C10orf90: variants seen among roughly 807,000 people sequenced by gnomAD.
C10orf90 encodes chromosome 10 open reading frame 90, also known as (E2-independent) E3 ubiquitin-conjugating enzyme FATS.
C10orf90 carries 56 observed loss-of-function variants against 62.5 expected under a neutral mutation model. That is an observed-to-expected ratio of 0.90 (90% confidence interval 0.72 to 1.12). C10orf90 has a LOEUF of 1.12. Among genes scored for constraint, C10orf90 ranks in the 50% most tolerant of loss-of-function variants. The pLI is 0.00. For missense variants in C10orf90, 970 were observed against 880.4 expected (o/e 1.10, Z -1.29); for synonymous variants, 386 against 340.4 (o/e 1.13, Z -1.47).
At chr10:126,554,492 A>G (rs1864714754) in intron 2 of C10orf90, among the ~76,000 whole-genome samples, 5 of 152,350 alleles carry the variant, frequency 3.3e-5, no homozygotes, top group African/African-American at 1.2e-4. Context: ...TGTAAAATGC[A>G]TCAAGCTATA....
At chr10:126,461,655 T>G in intron 5 of C10orf90, 70 bp from the exon 6 acceptor site, 1 of 1,447,296 alleles carries the variant, frequency 6.9e-7, no homozygotes, top group Non-Finnish European at 9.4e-7. Context: ...TCAATACCAT[T>G]AGACACAGAA....
intron 4 of C10orf90, among the ~76,000 whole-genome samples, chr10:126,503,451 C>T (rs1197853888): frequency 6.6e-6 from 1 of 152,200 alleles, no homozygotes; most frequent in Non-Finnish European, 1.5e-5. Context: ...CACACGCACA[C>T]ATTCACATAC....
At chr10:126,610,963 T>G (rs2133801829) in intron 2 of C10orf90, among the ~76,000 whole-genome samples, 1 of 152,322 alleles carries the variant, frequency 6.6e-6, no homozygotes, top group Admixed American at 6.5e-5. Context: ...TATTTATGTT[T>G]TTTGACATAA....
chr10:126,564,997 TATATATAATATATATAATATATA>T (rs1844294924), intron 2 of C10orf90, among the ~76,000 whole-genome samples: 1 of 6,204 alleles, frequency 1.6e-4, no homozygotes, highest in Non-Finnish European at 3.9e-4. Context: ...AAATATATAT[TATATATAATATATATAATATATA>T]TTATATATTA....
intron 2 of C10orf90, among the ~76,000 whole-genome samples, chr10:126,545,978 T>C (rs967131294): frequency 5.3e-5 from 8 of 152,274 alleles, no homozygotes; most frequent in Middle Eastern, 6.8e-3. Context: ...GGAGAAAGAC[T>C]AGCTATGGAC....
intron 7 of C10orf90, among the ~76,000 whole-genome samples, chr10:126,458,052 C>T (rs540341729): frequency 1.3e-5 from 2 of 152,090 alleles, no homozygotes; most frequent in African/African-American, 4.8e-5. Context: ...CTTTAGACAG[C>T]TCCACCAGCA....
intron 2 of C10orf90, among the ~76,000 whole-genome samples, chr10:126,528,638 A>C (rs961116365): frequency 1.3e-5 from 2 of 152,240 alleles, no homozygotes; most frequent in African/African-American, 4.8e-5. Flanking sequence ...ACGGCCCAGC[A>C]CTGGGAGCCA....
intron 3 of C10orf90, among the ~76,000 whole-genome samples, chr10:126,508,161 G>GAA (rs1862874106): frequency 7.1e-6 from 1 of 140,228 alleles, no homozygotes; most frequent in African/African-American, 2.9e-5. Flanking sequence ...GAGTGAGTGA[G>GAA]AGAGAGAGAG....
At chr10:126,661,770 T>C (rs1033776662) in intron 1 of C10orf90, among the ~76,000 whole-genome samples, 1 of 152,120 alleles carries the variant, frequency 6.6e-6, no homozygotes, top group Non-Finnish European at 1.5e-5. Flanking sequence ...AAAATTTCCA[T>C]TTTAGATAGT....
intron 2 of C10orf90, among the ~76,000 whole-genome samples, chr10:126,617,957 C>T (rs1010164708): frequency 6.6e-6 from 1 of 152,196 alleles, no homozygotes; most frequent in Non-Finnish European, 1.5e-5. Flanking sequence ...TGGCTGTGGG[C>T]CATGGCTGAT....
chr10:126,536,545 A>G (rs1008410529), intron 2 of C10orf90, among the ~76,000 whole-genome samples: 20 of 152,336 alleles, frequency 1.3e-4, no homozygotes, highest in African/African-American at 4.8e-4. Flanking sequence ...GCTAAGAGAC[A>G]GGGAGTTCGA....
In C10orf90 at chr10:126,504,590, C is replaced by T. The variant is rs755154389; in HGVS notation, c.901G>A (p.Val301Met). Reference protein sequence around the residue: ...ACTEFSRNSSVVRLKVPEAHT... With the variant: ...ACTEFSRNSSMVRLKVPEAHT... ...GCCTCGGGAACCTTCAGCCGCACCA[C>T]GGAGCTGTTTCTGGAGAACTCTGTG... Residue 301 changes from valine to methionine, a missense_variant, in exon 4 of 10, where the codon GTG becomes ATG. By Grantham distance (21) the Val-to-Met change is conservative. Transcript: ENST00000488181. The surrounding 1 kb of genome is among the most constrained non-coding windows in gnomAD (Gnocchi z 4.1). 6.8e-6 allele frequency: 11 copies of T among 1,614,194 alleles called. No individual in the cohort carries two copies. Among genetic ancestry groups the T allele is most frequent in the South Asian group, 3.3e-5 (3 of 91,082 alleles).
chr10:126,508,696 A>T (rs1425101235), intron 3 of C10orf90, among the ~76,000 whole-genome samples: 1 of 152,298 alleles, frequency 6.6e-6, no homozygotes, highest in East Asian at 1.9e-4. Context: ...CGGGACTCCC[A>T]TACTGGCTAC....
chr10:126,536,153 G>T (rs1019446460), intron 2 of C10orf90, among the ~76,000 whole-genome samples: 1 of 152,206 alleles, frequency 6.6e-6, no homozygotes, highest in African/African-American at 2.4e-5. Flanking sequence ...GGGACAATCA[G>T]CTCTGCCATT....
Position 126,429,793 on chromosome 10 carries a change from G to T in C10orf90, c.2246C>A (p.Ser749Tyr). The change falls in exon 8 of 10, where the codon TCT becomes TAT. Residue 749 changes from serine (S) to tyrosine (Y), a missense_variant. Ser to Tyr is a moderately radical substitution (Grantham distance 144, BLOSUM62 -2). Coordinates refer to ENST00000488181, the MANE Select transcript of C10orf90 (RefSeq NM_001350921.2). ...CCATACAATAACCAAGTACCTCTTA[G>T]ATCGCATATGCATCTCCTTCTCTGA... is the stretch of plus-strand genomic sequence containing the variant. ...CISEKEMHMR[S>Y]KRIYDNLPEV... 1 of 1,613,978 alleles carries T rather than the reference G, an allele frequency of 6.2e-7. No homozygotes were observed. The highest frequency in any genetic ancestry group is 8.5e-7 in the Non-Finnish European group (1 of 1,179,876).
intron 1 of C10orf90, among the ~76,000 whole-genome samples, chr10:126,647,038 G>A (rs1846186006): frequency 6.6e-6 from 1 of 152,164 alleles, no homozygotes; most frequent in Non-Finnish European, 1.5e-5. Context: ...TTAGCTATGA[G>A]CCATTCAATT....
chr10:126,628,012 T>C (rs1304626391), intron 2 of C10orf90, among the ~76,000 whole-genome samples: 1 of 152,178 alleles, frequency 6.6e-6, no homozygotes. Context: ...AGCAAGTGTC[T>C]CTTAAAAAAA....
intron 7 of C10orf90, among the ~76,000 whole-genome samples, chr10:126,434,784 G>A (rs1019838778): frequency 1.3e-5 from 2 of 152,158 alleles, no homozygotes; most frequent in Non-Finnish European, 1.5e-5. Flanking sequence ...CTCTGCCGCC[G>A]GCCGTTAGAG....
chr10:126,632,859 C>A (rs1564901268), intron 2 of C10orf90, among the ~76,000 whole-genome samples: 1 of 152,154 alleles, frequency 6.6e-6, no homozygotes, highest in Non-Finnish European at 1.5e-5. Context: ...GCAGAGCCAT[C>A]ACCCCAACTG....
Sources: allele counts gnomAD v4.1 joint callset (sites outside exome capture counted in the v4.1 genomes callset), GRCh38; gene constraint gnomAD v4.1.1; non-coding constraint Gnocchi (gnomAD v3.1); transcripts MANE v1.5; gene names NCBI Gene and HGNC (gene_info 2026-07-23, HGNC 2026-07-21).